The following RNF38 variants were observed in gnomAD, a reference collection of about 807,000 sequenced individuals.
The protein encoded by RNF38 is E3 ubiquitin-protein ligase RNF38.
RNF38 carries 15 observed loss-of-function variants against 67.2 expected under a neutral mutation model. The ratio of observed to expected loss-of-function variants is 0.22; its 90% CI spans 0.15 to 0.34. RNF38 has a LOEUF of 0.34. RNF38 is among the 10% of genes least tolerant of loss of function. The pLI is 1.00. For synonymous variants in RNF38, 220 were observed against 218.8 expected (o/e 1.01, Z -0.05); for missense variants, 524 against 639.9 (o/e 0.82, Z 1.95).
chr9:36,347,012 T>G (rs904726845), intron 9 of RNF38, among the ~76,000 whole-genome samples: 3 of 150,436 alleles, frequency 2.0e-5, no homozygotes, highest in Non-Finnish European at 4.4e-5. Flanking sequence ...CTCAGCTACT[T>G]GGAAGACTAA....
At chr9:36,425,910 C>T (rs1291050635) in intron 1 of RNF38, among the ~76,000 whole-genome samples, 1 of 152,130 alleles carries the variant, frequency 6.6e-6, no homozygotes, top group East Asian at 1.9e-4. Flanking sequence ...GTTGGTCAGG[C>T]TGGTCTTGAA....
At chr9:36,437,134 G>A (rs1023139863) in intron 1 of RNF38, among the ~76,000 whole-genome samples, 1 of 152,166 alleles carries the variant, frequency 6.6e-6, no homozygotes, top group Non-Finnish European at 1.5e-5. Flanking sequence ...TTTCCTTCAC[G>A]CTTGCTCCTG....
At chr9:36,408,585 G>A (rs1392118688) in intron 2 of RNF38, among the ~76,000 whole-genome samples, 2 of 152,106 alleles carry the variant, frequency 1.3e-5, no homozygotes, top group Non-Finnish European at 2.9e-5. Context: ...CTAGGAACTA[G>A]GCCCAAACTA....
intron 1 of RNF38, among the ~76,000 whole-genome samples, chr9:36,484,928 A>G (rs568608798): frequency 6.6e-6 from 1 of 152,296 alleles, no homozygotes; most frequent in East Asian, 1.9e-4. Context: ...GCACTTTGGG[A>G]GGCAGAGGCG....
intron 9 of RNF38, among the ~76,000 whole-genome samples, chr9:36,345,703 T>G (rs941579037): frequency 6.6e-6 from 1 of 152,302 alleles, no homozygotes; most frequent in Admixed American, 6.5e-5. Flanking sequence ...TTCAAATGTC[T>G]TTGTTTTCAA....
chr9:36,421,369 T>TA (rs1213739902), intron 2 of RNF38, among the ~76,000 whole-genome samples: 1 of 152,090 alleles, frequency 6.6e-6, no homozygotes, highest in Non-Finnish European at 1.5e-5. Context: ...TATTTTTTTT[T>TA]AAAGCAGGTT....
At chr9:36,465,814 GC>G (rs1839845378) in intron 1 of RNF38, among the ~76,000 whole-genome samples, 1 of 152,130 alleles carries the variant, frequency 6.6e-6, no homozygotes, top group Non-Finnish European at 1.5e-5. Context: ...ACTTTGGGAG[GC>G]CGAGGCGGGT....
intron 9 of RNF38, among the ~76,000 whole-genome samples, chr9:36,349,302 A>G (rs1262632034): frequency 2.0e-5 from 3 of 152,140 alleles, no homozygotes; most frequent in Admixed American, 6.5e-5. Flanking sequence ...ATACTTACTG[A>G]CTTTTTGAAA....
chr9:36,350,241 G>A (rs764475562), intron 9 of RNF38, among the ~76,000 whole-genome samples: 13 of 152,186 alleles, frequency 8.5e-5, no homozygotes, highest in Non-Finnish European at 2.9e-5. Context: ...AACATGCATG[G>A]TCTTATAATT....
At chr9:36,384,419 A>G (rs1461949094) in intron 2 of RNF38, among the ~76,000 whole-genome samples, 1 of 152,172 alleles carries the variant, frequency 6.6e-6, no homozygotes, top group Non-Finnish European at 1.5e-5. Flanking sequence ...ACATAGACAA[A>G]ATTGCCCCTC....
At chr9:36,434,917 A>G (rs1355059639) in intron 1 of RNF38, among the ~76,000 whole-genome samples, 1 of 151,614 alleles carries the variant, frequency 6.6e-6, no homozygotes, top group Non-Finnish European at 1.5e-5. Context: ...GCTCAACAGA[A>G]TGAGTAAAAT....
chr9:36,346,160 T>G (rs926890964), intron 9 of RNF38, among the ~76,000 whole-genome samples: 3 of 152,200 alleles, frequency 2.0e-5, no homozygotes, highest in African/African-American at 7.2e-5. Context: ...GTATCCACCA[T>G]CAACTCATGA....
chr9:36,401,335 G>T, upstream of RNF38: 1 of 494,522 alleles, frequency 2.0e-6, no homozygotes. Context: ...GGACCGCAGG[G>T]CCCTGTTCCA....
chr9:36,353,054 C>T, intron 7 of RNF38, 116 bp downstream of exon 7: 1 of 974,442 alleles, frequency 1.0e-6, no homozygotes, highest in South Asian at 1.5e-5. Flanking sequence ...AACTTTCCAA[C>T]TGAATGCTGT....
intron 2 of RNF38, among the ~76,000 whole-genome samples, chr9:36,390,248 GT>G (rs1836974000): frequency 1.3e-5 from 2 of 152,148 alleles, no homozygotes. Context: ...AGAATATTAA[GT>G]AGTCAAATAA....
At chr9:36,416,056 C>T (rs927602004) in intron 2 of RNF38, among the ~76,000 whole-genome samples, 3 of 151,538 alleles carry the variant, frequency 2.0e-5, no homozygotes, top group Non-Finnish European at 2.9e-5. Flanking sequence ...TGATGGGTGG[C>T]ACCATAGAGC....
intron 1 of RNF38, among the ~76,000 whole-genome samples, chr9:36,441,328 CA>C (rs1470934650): frequency 6.7e-6 from 1 of 149,164 alleles, no homozygotes; most frequent in African/African-American, 2.5e-5. Context: ...ACTAAATTAC[CA>C]ATTTTTTTTT....
intron 1 of RNF38, among the ~76,000 whole-genome samples, chr9:36,395,498 A>G (rs1837449281): frequency 6.6e-6 from 1 of 152,206 alleles, no homozygotes; most frequent in Admixed American, 6.5e-5. Flanking sequence ...CTAATATAAA[A>G]GACGAAAACA....
At chr9:36,379,793 G>T (rs547009997) in intron 2 of RNF38, among the ~76,000 whole-genome samples, 19 of 152,068 alleles carry the variant, frequency 1.2e-4, no homozygotes, top group Non-Finnish European at 2.6e-4. Flanking sequence ...TGAGAACTTG[G>T]AAGTTATTAA....
Sources: gnomAD v4.1 joint callset for allele counts (sites outside exome capture counted in the v4.1 genomes callset) on GRCh38, gnomAD v4.1.1 for gene constraint, MANE v1.5 for transcripts, NCBI Gene and HGNC (gene_info 2026-07-23, HGNC 2026-07-21) for gene names.